The following ATRNL1 variants were observed in gnomAD, a reference collection of about 807,000 sequenced individuals.
ATRNL1 encodes attractin-like protein 1.
A neutral mutation model predicts 182.7 loss-of-function variants in ATRNL1; 95 were observed. The observed-to-expected ratio is 0.52, with a 90% confidence interval of 0.44 to 0.62. The LOEUF is 0.62. ATRNL1 is among the 20% of genes least tolerant of loss of function. ATRNL1 has a pLI of 0.00. For missense variants in ATRNL1, 1,471 were observed against 1,679.5 expected (o/e 0.88, Z 2.17); for synonymous variants, 576 against 568.3 (o/e 1.01, Z -0.19).
At chr10:115,140,067 A>G (rs1367352184) in intron 5 of ATRNL1, among the ~76,000 whole-genome samples, 2 of 152,204 alleles carry the variant, frequency 1.3e-5, no homozygotes, top group East Asian at 3.8e-4. Flanking sequence ...GCACCCTTTC[A>G]GTAGGTACTG....
At chr10:115,589,932 G>C (rs1011431159) in intron 26 of ATRNL1, among the ~76,000 whole-genome samples, 1 of 152,066 alleles carries the variant, frequency 6.6e-6, no homozygotes, top group Non-Finnish European at 1.5e-5. Flanking sequence ...ATTATTTTCT[G>C]TGTAAAACCG....
intron 28 of ATRNL1, among the ~76,000 whole-genome samples, chr10:115,866,225 T>G (rs181087069): frequency 2.0e-5 from 3 of 152,332 alleles, no homozygotes; most frequent in Admixed American, 2.0e-4. Context: ...ATTAAAATAT[T>G]CATAAATTAT....
chr10:115,468,293 A>G (rs1848147626), intron 23 of ATRNL1, among the ~76,000 whole-genome samples: 1 of 150,854 alleles, frequency 6.6e-6, no homozygotes, highest in Non-Finnish European at 1.5e-5. Flanking sequence ...ATACATTTCT[A>G]ATCACTTTAG....
At chr10:115,597,527 A>G (rs1342509763) in intron 26 of ATRNL1, 4 of 367,262 alleles carry the variant, frequency 1.1e-5, no homozygotes, top group Non-Finnish European at 2.1e-5. Context: ...ATATGAGAAA[A>G]AACTTTGTAA....
chr10:115,377,848 G>A (rs782451861), intron 19 of ATRNL1, among the ~76,000 whole-genome samples: 1 of 152,170 alleles, frequency 6.6e-6, no homozygotes, highest in Non-Finnish European at 1.5e-5. Flanking sequence ...TGGGGCTCTA[G>A]CAAGTATGAA....
intron 27 of ATRNL1, among the ~76,000 whole-genome samples, chr10:115,776,175 G>T (rs1030631364): frequency 1.3e-5 from 2 of 152,060 alleles, no homozygotes; most frequent in African/African-American, 2.4e-5. Context: ...GGAATAAGTG[G>T]TATATTATCT....
chr10:115,383,337 T>A (rs1361255791), intron 19 of ATRNL1, among the ~76,000 whole-genome samples: 5 of 151,916 alleles, frequency 3.3e-5, no homozygotes, highest in African/African-American at 1.2e-4. Flanking sequence ...TTAAAACATA[T>A]GTTTTAAAAA....
intron 27 of ATRNL1, among the ~76,000 whole-genome samples, chr10:115,838,286 AAG>A (rs1388929288): frequency 2.0e-5 from 3 of 152,230 alleles, no homozygotes; most frequent in Non-Finnish European, 4.4e-5. Flanking sequence ...CAAGGGACGT[AAG>A]AGGATGGTTA....
At chr10:115,520,974 T>A (rs1554985021) in intron 25 of ATRNL1, among the ~76,000 whole-genome samples, 1 of 152,244 alleles carries the variant, frequency 6.6e-6, no homozygotes, top group Non-Finnish European at 1.5e-5. Flanking sequence ...AAATTGTTCC[T>A]TAAAATGAAA....
chr10:115,275,707 A>C (rs528486664), intron 13 of ATRNL1, among the ~76,000 whole-genome samples: 10 of 152,318 alleles, frequency 6.6e-5, no homozygotes, highest in African/African-American at 2.4e-4. Flanking sequence ...CAAGGATGCC[A>C]GTGCTCCCCT....
chr10:115,120,151 G>A lies in ATRNL1; in HGVS notation c.294-34G>A, dbSNP rs566008697. 5 of 1,257,310 alleles carry A rather than the reference G, an allele frequency of 4.0e-6. No individual in the cohort carries two copies. In the Admixed American group the frequency reaches 5.4e-5, roughly 14 times the overall value. 77.9% of individuals were successfully genotyped at this position (1,257,310 alleles called of 1,614,324 possible). ...CTATATGTCTTAAAGTTATTTTAAG[G>A]TAATTATTTTCATTATTTTATTTTC... On this transcript the variant is annotated intron_variant, in intron 1 of 28. Transcript: ENST00000355044.
Position 115,834,162 on chromosome 10 carries a change from C to G in ATRNL1, c.3904-13715C>G, listed in dbSNP as rs149260831. Among the ~76,000 whole-genome samples the G allele has an allele frequency of 3.6e-3, 553 of 152,284 alleles. 3 individuals carry two copies. The highest frequency in any genetic ancestry group is 0.012 in the African/African-American group (519 of 41,576). ...GCATACCCCACACCTTTAGTCCACT[C>G]CAAGAACTTGCTCCCCACAGTAGGC... On this transcript the variant is annotated intron_variant, in intron 27 of 28. Transcript: ENST00000355044.
At chr10:115,588,630 G>T (rs2804194) in intron 26 of ATRNL1, among the ~76,000 whole-genome samples, 1 of 151,970 alleles carries the variant, frequency 6.6e-6, no homozygotes, top group Non-Finnish European at 1.5e-5. Context: ...GGAGTTTGGG[G>T]TTCCTTCCCA....
intron 21 of ATRNL1, among the ~76,000 whole-genome samples, chr10:115,446,168 T>C (rs1554966665): frequency 2.0e-5 from 3 of 152,090 alleles, no homozygotes; most frequent in Non-Finnish European, 4.4e-5. Flanking sequence ...TTATGATCTC[T>C]GCTTTAACTA....
intron 9 of ATRNL1, among the ~76,000 whole-genome samples, chr10:115,217,928 A>T (rs1430334185): frequency 6.6e-6 from 1 of 151,924 alleles, no homozygotes; most frequent in East Asian, 1.9e-4. Flanking sequence ...CATATTTGTC[A>T]AGTTTGCTAT....
At chr10:115,741,499 G>A (rs563455788) in intron 27 of ATRNL1, among the ~76,000 whole-genome samples, 33 of 152,212 alleles carry the variant, frequency 2.2e-4, no homozygotes, top group Admixed American at 7.9e-4. Flanking sequence ...AAATATAGGA[G>A]CATATCATGG....
At chr10:115,755,964 A>G (rs781960736) in intron 27 of ATRNL1, among the ~76,000 whole-genome samples, 5 of 152,058 alleles carry the variant, frequency 3.3e-5, no homozygotes, top group Admixed American at 1.3e-4. Context: ...AGAGGTGTTT[A>G]TAGTATTCTC....
At chr10:115,926,331 A>G (rs1273330091) in intron 28 of ATRNL1, among the ~76,000 whole-genome samples, 1 of 152,156 alleles carries the variant, frequency 6.6e-6, no homozygotes, top group East Asian at 1.9e-4. Flanking sequence ...CGGACACCCT[A>G]ATATCACAAT....
chr10:115,797,505 G>A (rs1460283089), intron 27 of ATRNL1, among the ~76,000 whole-genome samples: 1 of 152,060 alleles, frequency 6.6e-6, no homozygotes, highest in Non-Finnish European at 1.5e-5. Context: ...GGCTTCTTCT[G>A]CCAATTTTTG....
Sources: allele counts gnomAD v4.1 joint callset (sites outside exome capture counted in the v4.1 genomes callset), GRCh38; gene constraint gnomAD v4.1.1; transcripts MANE v1.5; gene names NCBI Gene and HGNC (gene_info 2026-07-23, HGNC 2026-07-21).